The following MAPK4 variants were observed in gnomAD, a reference collection of about 807,000 sequenced individuals.
MAPK4 encodes Erk3-related.
Under a neutral mutation model 47.7 loss-of-function variants are expected in MAPK4, and 22 were observed. The ratio of observed to expected loss-of-function variants is 0.46; its 90% CI spans 0.33 to 0.66. The LOEUF (loss-of-function observed/expected upper bound fraction) is 0.66. Among genes scored for constraint, MAPK4 ranks in the 30% least tolerant of loss-of-function variants. The pLI is 0.02. For missense variants in MAPK4, 736 were observed against 831.7 expected (o/e 0.88, Z 1.42); for synonymous variants, 390 against 365.7 (o/e 1.07, Z -0.76).
chr18:50,633,796 G>A (rs142073627), intron 1 of MAPK4, among the ~76,000 whole-genome samples: 27 of 152,308 alleles, frequency 1.8e-4, no homozygotes, highest in Non-Finnish European at 3.7e-4. Flanking sequence ...GAGCTGCCGT[G>A]TGTCGGTTTG....
intron 1 of MAPK4, among the ~76,000 whole-genome samples, chr18:50,600,792 G>T (rs1015083168): frequency 6.6e-6 from 1 of 151,446 alleles, no homozygotes; most frequent in Non-Finnish European, 1.5e-5. Context: ...GAAAGAAGAG[G>T]ATGCTTTTTA....
intron 1 of MAPK4, among the ~76,000 whole-genome samples, chr18:50,610,775 TCTC>T (rs1247234361): frequency 1.3e-5 from 2 of 152,156 alleles, no homozygotes; most frequent in Non-Finnish European, 2.9e-5. Context: ...ATTTACCCCC[TCTC>T]CTGGGCTTCT....
intron 2 of MAPK4, among the ~76,000 whole-genome samples, chr18:50,708,318 G>T (rs1455005622): frequency 1.3e-5 from 2 of 152,182 alleles, no homozygotes; most frequent in African/African-American, 2.4e-5. Flanking sequence ...TCTTCTAAAT[G>T]ATCTTTTGAT....
intron 2 of MAPK4, among the ~76,000 whole-genome samples, chr18:50,683,453 G>GTGT (rs1555654878): frequency 1.4e-5 from 2 of 142,152 alleles, no homozygotes; most frequent in South Asian, 2.3e-4. Context: ...TTGGTGATGG[G>GTGT]GTGTGTGTGT....
chr18:50,651,719 T>C (rs2043051690), intron 1 of MAPK4, among the ~76,000 whole-genome samples: 1 of 152,172 alleles, frequency 6.6e-6, no homozygotes, highest in African/African-American at 2.4e-5. Flanking sequence ...CAGTTGGCAA[T>C]TCATTGTAGA....
chr18:50,608,883 T>A (rs2149376130), intron 1 of MAPK4, among the ~76,000 whole-genome samples: 1 of 152,210 alleles, frequency 6.6e-6, no homozygotes, highest in South Asian at 2.1e-4. Flanking sequence ...TCCGCAGTGT[T>A]TGTGTCCCTG....
intron 1 of MAPK4, among the ~76,000 whole-genome samples, chr18:50,575,896 G>A (rs1323676889): frequency 6.6e-6 from 1 of 150,884 alleles, no homozygotes; most frequent in Non-Finnish European, 1.5e-5. Context: ...TGAAAAAAAT[G>A]CCAACATCAC....
At chr18:50,592,790 AG>A (rs1370555611) in intron 1 of MAPK4, among the ~76,000 whole-genome samples, 4 of 152,340 alleles carry the variant, frequency 2.6e-5, no homozygotes, top group South Asian at 2.1e-4. Flanking sequence ...AAGGAACCTT[AG>A]GGGCTGTGTA....
At chr18:50,691,680 A>G (rs927526821) in intron 2 of MAPK4, among the ~76,000 whole-genome samples, 1 of 152,176 alleles carries the variant, frequency 6.6e-6, no homozygotes, top group African/African-American at 2.4e-5. Context: ...TGGAAAAGAG[A>G]CATTTAGCCT....
chr18:50,642,946 G>T (rs1287714921), intron 1 of MAPK4, among the ~76,000 whole-genome samples: 2 of 152,198 alleles, frequency 1.3e-5, no homozygotes, highest in African/African-American at 4.8e-5. Context: ...ACTTTTTAAA[G>T]TGCTAGTGTT....
chr18:50,630,695 G>A (rs1252896604), intron 1 of MAPK4, among the ~76,000 whole-genome samples: 1 of 152,174 alleles, frequency 6.6e-6, no homozygotes, highest in East Asian at 1.9e-4. Flanking sequence ...GTGGTCTGCT[G>A]GGTAAACAAA....
chr18:50,576,647 A>G (rs1274668395), intron 1 of MAPK4, among the ~76,000 whole-genome samples: 1 of 152,242 alleles, frequency 6.6e-6, no homozygotes, highest in Non-Finnish European at 1.5e-5. Context: ...AAAAGTTAAA[A>G]AAATAAAAAT....
chr18:50,671,713 C>T (rs1880482868), intron 2 of MAPK4, among the ~76,000 whole-genome samples: 1 of 151,770 alleles, frequency 6.6e-6, no homozygotes, highest in Admixed American at 6.6e-5. Flanking sequence ...ACAGCGAGAC[C>T]CCCATGTCTA....
At chr18:50,609,631 A>G (rs1304233278) in intron 1 of MAPK4, among the ~76,000 whole-genome samples, 1 of 152,084 alleles carries the variant, frequency 6.6e-6, no homozygotes, top group Non-Finnish European at 1.5e-5. Context: ...GTACTATTCT[A>G]AGTGCTTGAT....
At chr18:50,598,796 T>C (rs1417718917) in intron 1 of MAPK4, among the ~76,000 whole-genome samples, 1 of 152,242 alleles carries the variant, frequency 6.6e-6, no homozygotes, top group Non-Finnish European at 1.5e-5. Context: ...TTTGGCAGTC[T>C]TGAGGAGTAC....
chr18:50,607,263 C>T (rs2042590743), intron 1 of MAPK4, among the ~76,000 whole-genome samples: 4 of 152,250 alleles, frequency 2.6e-5, no homozygotes, highest in Admixed American at 2.0e-4. Context: ...TGTGATTATA[C>T]CCATTTTTGC....
At chr18:50,618,992 A>G (rs564553005) in intron 1 of MAPK4, among the ~76,000 whole-genome samples, 5 of 152,250 alleles carry the variant, frequency 3.3e-5, no homozygotes, top group Non-Finnish European at 7.3e-5. Context: ...GGTTAAAGTC[A>G]TTACATGCTA....
intron 1 of MAPK4, among the ~76,000 whole-genome samples, chr18:50,606,608 C>T (rs1024480838): frequency 1.3e-5 from 2 of 152,192 alleles, no homozygotes; most frequent in African/African-American, 4.8e-5. Flanking sequence ...TTAGGTGTGA[C>T]TGTGTGACCT....
At chr18:50,637,972 G>C (rs553518529) in intron 1 of MAPK4, among the ~76,000 whole-genome samples, 1 of 152,150 alleles carries the variant, frequency 6.6e-6, no homozygotes, top group Non-Finnish European at 1.5e-5. Flanking sequence ...AGGGGTTAGG[G>C]CTTCAGCGTA....
Sources: gnomAD v4.1 joint callset for allele counts (sites outside exome capture counted in the v4.1 genomes callset) on GRCh38, gnomAD v4.1.1 for gene constraint, MANE v1.5 for transcripts, NCBI Gene and HGNC (gene_info 2026-07-23, HGNC 2026-07-21) for gene names.